Variants in KCNIP4 observed in about 807,000 individuals in gnomAD.
KCNIP4 encodes the protein Kv channel-interacting protein 4.
KCNIP4 carries 12 observed loss-of-function variants against 34.0 expected under a neutral mutation model. That is an observed-to-expected ratio of 0.35 (90% CI 0.23 to 0.57). The LOEUF (loss-of-function observed/expected upper bound fraction) is 0.57, where lower values mean the gene tolerates loss of function less well. KCNIP4 is among the 20% of genes least tolerant of loss of function. The pLI, the probability that KCNIP4 is intolerant of heterozygous loss-of-function variation, is 0.83. For missense variants in KCNIP4, 238 were observed against 311.7 expected (o/e 0.76, Z 1.78); for synonymous variants, 124 against 102.2 (o/e 1.21, Z -1.29).
intron 1 of KCNIP4, among the ~76,000 whole-genome samples, chr4:21,286,653 A>G (rs1487335323): frequency 6.6e-6 from 1 of 152,184 alleles, no homozygotes; most frequent in African/African-American, 2.4e-5. Context: ...AAGAGAAGGG[A>G]GGTAACATTT....
rs1462407543 is a variant in KCNIP4 at position 21,948,737 on chromosome 4, C to G, written c.-106G>C. The G allele has an allele frequency of 7.9e-7, 1 of 1,264,046 alleles. No individual in the cohort carries two copies. 78.3% of individuals were successfully genotyped at this position (1,264,046 alleles called of 1,614,324 possible). A position where few individuals can be genotyped will look rare whatever the true frequency, so the allele number is the denominator to read the frequency against. On this transcript the variant is annotated 5_prime_UTR_variant, in exon 1 of 9. Coordinates refer to ENST00000382152, the MANE Select transcript of KCNIP4 (RefSeq NM_025221.6). ...CACCGCCGCTCGGCCCGGGGGCGTC[C>G]GTGGCGCTGGGAGCGAGAGCTTCGG...
chr4:20,833,462 GC>G (rs1392549523), intron 3 of KCNIP4, among the ~76,000 whole-genome samples: 1 of 148,642 alleles, frequency 6.7e-6, no homozygotes, highest in African/African-American at 2.6e-5. Flanking sequence ...TCCAGCCTGG[GC>G]AACAGAGTGA....
At chr4:21,302,611 A>G (rs1453394812) in intron 1 of KCNIP4, among the ~76,000 whole-genome samples, 1 of 152,238 alleles carries the variant, frequency 6.6e-6, no homozygotes, top group Non-Finnish European at 1.5e-5. Context: ...CTAGAACTAC[A>G]GATATTTCCA....
At chr4:21,100,460 G>A (rs985140118) in intron 1 of KCNIP4, among the ~76,000 whole-genome samples, 1 of 152,148 alleles carries the variant, frequency 6.6e-6, no homozygotes, top group African/African-American at 2.4e-5. Context: ...GACTGAGGTG[G>A]GAGAATCACT....
chr4:21,303,940 G>A (rs1712048067), intron 1 of KCNIP4: 5 of 1,611,456 alleles, frequency 3.1e-6, no homozygotes, highest in Non-Finnish European at 4.2e-6. Context: ...CACAGCCACT[G>A]AGAAGTGCTC....
chr4:21,041,814 T>C (rs1346365242), intron 1 of KCNIP4, among the ~76,000 whole-genome samples: 2 of 152,170 alleles, frequency 1.3e-5, no homozygotes, highest in African/African-American at 4.8e-5. Flanking sequence ...ATATTATTTA[T>C]CTAAATGAAA....
intron 1 of KCNIP4, among the ~76,000 whole-genome samples, chr4:21,241,530 G>A (rs186151149): frequency 3.0e-3 from 459 of 152,192 alleles, no homozygotes; most frequent in African/African-American, 0.01. Context: ...GGGGCTCATC[G>A]CAAACTCCAG....
At chr4:21,641,127 C>T (rs1211620608) in intron 1 of KCNIP4, among the ~76,000 whole-genome samples, 3 of 152,220 alleles carry the variant, frequency 2.0e-5, no homozygotes, top group Admixed American at 1.3e-4. Context: ...ATTCCTTCAT[C>T]AAACCAAGAA....
At chr4:21,459,965 A>G (rs576033400) in intron 1 of KCNIP4, among the ~76,000 whole-genome samples, 1 of 151,862 alleles carries the variant, frequency 6.6e-6, no homozygotes, top group East Asian at 2.0e-4. Flanking sequence ...TCCTCTCTAC[A>G]CAAGGGCCAC....
At chr4:21,482,682 C>A (rs1244126912) in intron 1 of KCNIP4, among the ~76,000 whole-genome samples, 7 of 152,162 alleles carry the variant, frequency 4.6e-5, no homozygotes, top group Non-Finnish European at 8.8e-5. Flanking sequence ...GAGAGATCAG[C>A]TGTTAGTCTG....
At chr4:21,524,811 T>C (rs1735840244) in intron 1 of KCNIP4, among the ~76,000 whole-genome samples, 1 of 152,162 alleles carries the variant, frequency 6.6e-6, no homozygotes. Flanking sequence ...TTTTATTTTT[T>C]GCATCATGCG....
intron 1 of KCNIP4, among the ~76,000 whole-genome samples, chr4:21,526,787 A>C (rs1736005617): frequency 6.6e-6 from 1 of 152,180 alleles, no homozygotes; most frequent in Admixed American, 6.5e-5. Context: ...TTTTAAGGAA[A>C]TATTATTAAA....
chr4:21,794,913 T>C (rs1720526284), intron 1 of KCNIP4, among the ~76,000 whole-genome samples: 2 of 151,840 alleles, frequency 1.3e-5, no homozygotes, highest in South Asian at 4.2e-4. Context: ...AACAAACAAA[T>C]AAACAAACGA....
intron 1 of KCNIP4, among the ~76,000 whole-genome samples, chr4:21,681,635 A>G (rs1027132095): frequency 2.6e-5 from 4 of 152,148 alleles, no homozygotes; most frequent in Non-Finnish European, 5.9e-5. Flanking sequence ...AATTGAAGAG[A>G]GTTAGAGCCT....
chr4:21,113,847 C>T (rs1368649), intron 1 of KCNIP4, among the ~76,000 whole-genome samples: 66,811 of 152,000 alleles, frequency 0.44, 15,024 homozygotes, highest in African/African-American at 0.54. Flanking sequence ...CAGTGAAATA[C>T]GCAAATACCT....
intron 1 of KCNIP4, among the ~76,000 whole-genome samples, chr4:21,071,121 C>G (rs1744875973): frequency 6.6e-6 from 1 of 152,064 alleles, no homozygotes; most frequent in African/African-American, 2.4e-5. Context: ...TTGATGAAAT[C>G]CCATTTGGTT....
intron 1 of KCNIP4, among the ~76,000 whole-genome samples, chr4:21,805,395 C>A (rs1189052956): frequency 6.6e-6 from 1 of 152,052 alleles, no homozygotes; most frequent in African/African-American, 2.4e-5. Context: ...GGTGCACTAC[C>A]AGAGCACCAC....
chr4:21,082,822 T>C (rs1048496610), intron 1 of KCNIP4, among the ~76,000 whole-genome samples: 1 of 151,780 alleles, frequency 6.6e-6, no homozygotes, highest in Non-Finnish European at 1.5e-5. Flanking sequence ...GGAAAATGAC[T>C]ATGTGGTGCT....
At chr4:21,036,964 C>T (rs1000794569) in intron 1 of KCNIP4, among the ~76,000 whole-genome samples, 5 of 151,686 alleles carry the variant, frequency 3.3e-5, no homozygotes, top group African/African-American at 1.2e-4. Context: ...TGGGGTAGGC[C>T]TTGGCTAATG....
Sources: allele counts gnomAD v4.1 joint callset (sites outside exome capture counted in the v4.1 genomes callset), GRCh38; gene constraint gnomAD v4.1.1; transcripts MANE v1.5; gene names NCBI Gene and HGNC (gene_info 2026-07-23, HGNC 2026-07-21).